The following TTC7B variants were observed in gnomAD, a reference collection of about 807,000 sequenced individuals.
The protein encoded by TTC7B is tetratricopeptide repeat domain 7B.
Under a neutral mutation model 106.8 loss-of-function variants are expected in TTC7B, and 28 were observed. The ratio of observed to expected loss-of-function variants is 0.26; its 90% CI spans 0.19 to 0.36. The LOEUF is 0.36. TTC7B is among the 10% of genes least tolerant of loss of function. TTC7B has a pLI of 1.00. For synonymous variants in TTC7B, 405 were observed against 430.6 expected, an observed-to-expected ratio of 0.94 and a Z score of 0.74; for missense variants, 862 against 1,076.4, an observed-to-expected ratio of 0.80 and a Z score of 2.79.
intron 19 of TTC7B, among the ~76,000 whole-genome samples, chr14:90,553,892 C>A (rs995724134): frequency 6.6e-6 from 1 of 152,220 alleles, no homozygotes; most frequent in Non-Finnish European, 1.5e-5. Context: ...GTCTGACTGG[C>A]AGAATCTCTT....
intron 5 of TTC7B, among the ~76,000 whole-genome samples, chr14:90,710,014 C>A (rs1595305773): frequency 3.3e-5 from 4 of 119,996 alleles, no homozygotes; most frequent in Non-Finnish European, 3.4e-5. Context: ...ATTGTATTTT[C>A]AGGCTGCTAA....
chr14:90,562,702 A>T (rs1199295771), intron 19 of TTC7B, among the ~76,000 whole-genome samples: 1 of 152,226 alleles, frequency 6.6e-6, no homozygotes, highest in African/African-American at 2.4e-5. Context: ...TCTCTAAAAA[A>T]TAAGGACATT....
intron 19 of TTC7B, among the ~76,000 whole-genome samples, chr14:90,547,399 G>A (rs1422651257): frequency 2.0e-5 from 3 of 152,224 alleles, no homozygotes; most frequent in African/African-American, 7.2e-5. Context: ...CCAGAGCCCC[G>A]GAAGGCTCCT....
intron 3 of TTC7B, among the ~76,000 whole-genome samples, chr14:90,770,827 C>T (rs111688933): frequency 3.3e-5 from 5 of 152,310 alleles, no homozygotes; most frequent in African/African-American, 1.2e-4. Context: ...TGAGTCAAAA[C>T]GTGGTACATG....
At chr14:90,718,357 C>T (rs565537934) in intron 5 of TTC7B, among the ~76,000 whole-genome samples, 10 of 152,336 alleles carry the variant, frequency 6.6e-5, no homozygotes, top group Non-Finnish European at 7.3e-5. Context: ...TCAGAGCCAG[C>T]TTGAGGCACT....
chr14:90,800,197 GGC>G (rs2030169479), intron 1 of TTC7B, among the ~76,000 whole-genome samples: 1 of 152,186 alleles, frequency 6.6e-6, no homozygotes, highest in Non-Finnish European at 1.5e-5. Flanking sequence ...TGGGGCTGGA[GGC>G]AAGGCTACAA....
chr14:90,669,164 CA>C (rs142200713), intron 9 of TTC7B, among the ~76,000 whole-genome samples: 19,325 of 151,842 alleles, frequency 0.13, 1,438 homozygotes, highest in Middle Eastern at 0.21. Context: ...TTTCCACATG[CA>C]AAAGAATGGA....
chr14:90,659,820 G>T (rs892185034), intron 9 of TTC7B, among the ~76,000 whole-genome samples: 1 of 152,178 alleles, frequency 6.6e-6, no homozygotes, highest in Non-Finnish European at 1.5e-5. Context: ...ATTTTTCATA[G>T]AGGCAACTCA....
chr14:90,625,998 G>T (rs1321470204), intron 15 of TTC7B, among the ~76,000 whole-genome samples: 1 of 152,150 alleles, frequency 6.6e-6, no homozygotes, highest in Non-Finnish European at 1.5e-5. Context: ...CTGGGAGCTT[G>T]CAAGAAATAG....
At chr14:90,809,875 A>G (rs2030805771) in intron 1 of TTC7B, among the ~76,000 whole-genome samples, 1 of 152,212 alleles carries the variant, frequency 6.6e-6, no homozygotes, top group Non-Finnish European at 1.5e-5. Flanking sequence ...GGGAGTGGAT[A>G]ACACCCACCA....
intron 8 of TTC7B, among the ~76,000 whole-genome samples, chr14:90,677,570 T>A (rs905828201): frequency 4.6e-5 from 7 of 152,224 alleles, no homozygotes; most frequent in Non-Finnish European, 5.9e-5. Flanking sequence ...GCCTGCCTTT[T>A]TCCCTCTGCT....
At chr14:90,612,845 T>C (rs1322517473) in intron 16 of TTC7B, among the ~76,000 whole-genome samples, 2 of 152,210 alleles carry the variant, frequency 1.3e-5, no homozygotes, top group African/African-American at 4.8e-5. Context: ...AACTTATCCC[T>C]AGGCTTCTGG....
chr14:90,789,823 G>C (rs542024141), intron 1 of TTC7B, among the ~76,000 whole-genome samples: 3 of 152,044 alleles, frequency 2.0e-5, no homozygotes, highest in African/African-American at 4.8e-5. Context: ...GTGAACCTGG[G>C]GGGTGGAGCT....
At chr14:90,629,422 T>C (rs904771164) in intron 15 of TTC7B, among the ~76,000 whole-genome samples, 6 of 152,158 alleles carry the variant, frequency 3.9e-5, no homozygotes, top group African/African-American at 1.4e-4. Flanking sequence ...TATCAGACAG[T>C]GAAACTTGGC....
At chr14:90,705,499 C>T (rs1427528443) in intron 5 of TTC7B, among the ~76,000 whole-genome samples, 14 of 152,162 alleles carry the variant, frequency 9.2e-5, no homozygotes, top group Admixed American at 9.2e-4. Flanking sequence ...CTCCCCTGCC[C>T]TCTGCTGGGT....
intron 5 of TTC7B, among the ~76,000 whole-genome samples, chr14:90,721,814 C>A (rs1265426292): frequency 1.3e-5 from 2 of 152,146 alleles, no homozygotes; most frequent in Admixed American, 6.5e-5. Context: ...ATAAAGCCAG[C>A]GACTGGGTCT....
chr14:90,578,541 A>C lies in TTC7B; in HGVS notation c.2108-233T>G, dbSNP rs1403870140. Among the ~76,000 whole-genome samples, 2 of 152,064 alleles carry C rather than the reference A, an allele frequency of 1.3e-5. No homozygotes were observed. Among genetic ancestry groups the C allele is most frequent in the Non-Finnish European group, 2.9e-5 (2 of 67,990 alleles). On this transcript the variant is annotated intron_variant, in intron 18 of 19. Coordinates refer to ENST00000328459, the MANE Select transcript of TTC7B (RefSeq NM_001010854.2). The surrounding 1 kb of genome is among the most constrained non-coding windows in gnomAD (Gnocchi z 4.7). ...TGCAGGGCAGGCATAGGTCACCACC[A>C]GGCAGGGAGCAGTGAGGCCTGCCTG... is the stretch of plus-strand genomic sequence containing the variant.
Position 90,759,787 on chromosome 14 carries a change from A to T in TTC7B, c.446-14865T>A, listed in dbSNP as rs979403585. On this transcript the variant is annotated intron_variant, in intron 3 of 19. Transcript: ENST00000328459. The surrounding 1 kb of genome is among the most constrained non-coding windows in gnomAD (Gnocchi z 4.1). ...CTTTTGCTTAGGCACCTTGTGTGTT[A>T]TTCAGCTAGAGTTTATCTTCAATAG... 2.6e-5 allele frequency among the ~76,000 whole-genome samples: 4 copies of T among 152,218 alleles called. No homozygotes were observed. The highest frequency in any genetic ancestry group is 5.9e-5 in the Non-Finnish European group (4 of 68,036).
intron 12 of TTC7B, among the ~76,000 whole-genome samples, chr14:90,653,293 G>A (rs891927928): frequency 6.6e-6 from 1 of 152,190 alleles, no homozygotes; most frequent in Admixed American, 6.5e-5. Context: ...TGCAAGCACC[G>A]GCAGTGTTGA....
Sources: allele counts gnomAD v4.1 joint callset (sites outside exome capture counted in the v4.1 genomes callset), GRCh38; gene constraint gnomAD v4.1.1; non-coding constraint Gnocchi (gnomAD v3.1); transcripts MANE v1.5; gene names NCBI Gene and HGNC (gene_info 2026-07-23, HGNC 2026-07-21).